The following ADAMTS6 variants were observed in gnomAD, a reference collection of about 807,000 sequenced individuals.
The protein encoded by ADAMTS6 is A disintegrin and metalloproteinase with thrombospondin motifs 6.
Under a neutral mutation model 144.3 loss-of-function variants are expected in ADAMTS6, and 23 were observed. The ratio of observed to expected loss-of-function variants is 0.16; its 90% CI spans 0.11 to 0.23. The LOEUF is 0.23. Among genes scored for constraint, ADAMTS6 ranks in the 10% least tolerant of loss-of-function variants. The probability of loss-of-function intolerance (pLI) is 1.00; values close to 1 mark genes in which losing one functional copy is unlikely to be tolerated. For synonymous variants in ADAMTS6, 444 were observed against 457.5 expected, an observed-to-expected ratio of 0.97 and a Z score of 0.38; for missense variants, 999 against 1,379.6, an observed-to-expected ratio of 0.72 and a Z score of 4.37.
intron 13 of ADAMTS6, among the ~76,000 whole-genome samples, 166 bp from the exon 14 acceptor site, chr5:65,260,829 T>C (rs1224855796): frequency 6.6e-6 from 1 of 152,122 alleles, no homozygotes; most frequent in Non-Finnish European, 1.5e-5. Context: ...GCAATAATTA[T>C]GGTTGTTGAA....
Position 65,443,314 on chromosome 5 carries a change from T to C in ADAMTS6, c.1073+8161A>G, listed in dbSNP as rs148056301. 9.0e-3 allele frequency among the ~76,000 whole-genome samples: 1,370 copies of C among 152,184 alleles called. 12 individuals carry two copies. Among genetic ancestry groups the C allele is most frequent in the African/African-American group, 0.025 (1,056 of 41,530 alleles). On this transcript the variant is annotated intron_variant, in intron 7 of 24. Coordinates refer to ENST00000381055, the MANE Select transcript of ADAMTS6 (RefSeq NM_197941.4). ...TACATTGATGACCAAATTGAGTTCATCTTAAGAATGAAAGGTTGTTTTGGC... is the reference window on the plus strand; with the variant it reads ...TACATTGATGACCAAATTGAGTTCACCTTAAGAATGAAAGGTTGTTTTGGC...
chr5:65,399,552 T>C (rs1474367691), intron 7 of ADAMTS6, among the ~76,000 whole-genome samples: 1 of 152,150 alleles, frequency 6.6e-6, no homozygotes, highest in East Asian at 1.9e-4. Flanking sequence ...GTGGTTACTC[T>C]AGAGTTTGCA....
chr5:65,247,538 A>T (rs1759738356), intron 14 of ADAMTS6, among the ~76,000 whole-genome samples: 2 of 152,146 alleles, frequency 1.3e-5, no homozygotes, highest in Admixed American at 1.3e-4. Context: ...TATACCCCCA[A>T]AACTCTTACC....
intron 9 of ADAMTS6, among the ~76,000 whole-genome samples, chr5:65,324,180 T>C (rs1745941303): frequency 6.6e-6 from 1 of 152,224 alleles, no homozygotes; most frequent in South Asian, 2.1e-4. Flanking sequence ...GTTTTAGACA[T>C]GAAGTCCTTG....
chr5:65,197,288 T>C (rs1008094998), intron 20 of ADAMTS6, 137 bp from the exon 21 acceptor site: 2 of 742,320 alleles, frequency 2.7e-6, no homozygotes, highest in African/African-American at 3.6e-5. Context: ...ACTGCTTCTC[T>C]AAAATGGAGA....
chr5:65,186,780 T>C (rs1367745984), intron 22 of ADAMTS6, among the ~76,000 whole-genome samples: 5 of 152,184 alleles, frequency 3.3e-5, no homozygotes, highest in Non-Finnish European at 7.3e-5. Context: ...GTAGGCAGAA[T>C]GTAATTACTG....
Position 65,301,848 on chromosome 5 carries a change from C to T in ADAMTS6, c.1224-1717G>A, listed in dbSNP as rs115444467. Among the ~76,000 whole-genome samples the T allele has an allele frequency of 6.4e-3, 977 of 151,822 alleles. 8 individuals carry two copies. The highest frequency in any genetic ancestry group is 0.022 in the African/African-American group (905 of 41,420). ...TCACACCTGTAATCCCAGCGCTTTG[C>T]GAGGCTGGGGCGGGAGGATCACCTG... On this transcript the variant is annotated intron_variant, in intron 9 of 24. Coordinates refer to ENST00000381055, the MANE Select transcript of ADAMTS6 (RefSeq NM_197941.4).
chr5:65,272,692 G>T (rs889611343), intron 12 of ADAMTS6, among the ~76,000 whole-genome samples: 1 of 152,026 alleles, frequency 6.6e-6, no homozygotes, highest in African/African-American at 2.4e-5. Flanking sequence ...GGCTGAGGTG[G>T]GCAGATCACT....
intron 7 of ADAMTS6, among the ~76,000 whole-genome samples, chr5:65,430,597 C>T (rs1053115307): frequency 2.6e-5 from 4 of 152,134 alleles, no homozygotes; most frequent in African/African-American, 9.7e-5. Flanking sequence ...CTAATAGAAG[C>T]CCTCCATAAC....
chr5:65,177,545 C>T (rs553167656), intron 22 of ADAMTS6, among the ~76,000 whole-genome samples: 1 of 152,108 alleles, frequency 6.6e-6, no homozygotes, highest in African/African-American at 2.4e-5. Flanking sequence ...AGGATTCTTG[C>T]CCCCCAATGT....
chr5:65,179,816 C>T (rs1754224564), intron 22 of ADAMTS6, among the ~76,000 whole-genome samples: 1 of 152,096 alleles, frequency 6.6e-6, no homozygotes, highest in Non-Finnish European at 1.5e-5. Flanking sequence ...ATTATCGTGT[C>T]CCTAACACCA....
chr5:65,468,706 G>A (rs1298891764), intron 3 of ADAMTS6, among the ~76,000 whole-genome samples: 7 of 152,170 alleles, frequency 4.6e-5, no homozygotes, highest in African/African-American at 1.7e-4. Flanking sequence ...TCTCAATAAG[G>A]ATGAATAGGT....
intron 7 of ADAMTS6, among the ~76,000 whole-genome samples, chr5:65,439,089 C>T (rs561377619): frequency 7.9e-4 from 120 of 151,604 alleles, no homozygotes; most frequent in Non-Finnish European, 9.0e-4. Flanking sequence ...TGGAAAGTGA[C>T]GGAAAATCCC....
At chr5:65,425,892 T>C (rs1384067788) in intron 7 of ADAMTS6, among the ~76,000 whole-genome samples, 2 of 151,602 alleles carry the variant, frequency 1.3e-5, no homozygotes, top group East Asian at 3.9e-4. Flanking sequence ...GCCTCCCGAG[T>C]AGCTGGGACT....
intron 7 of ADAMTS6, among the ~76,000 whole-genome samples, chr5:65,345,997 C>A (rs72760549): frequency 0.047 from 7,207 of 151,938 alleles, 216 homozygotes; most frequent in East Asian, 0.11. Flanking sequence ...AAGTTCAAAA[C>A]CCCTAATAAT....
intron 3 of ADAMTS6, 100 bp from the exon 4 acceptor site, chr5:65,460,438 T>A: frequency 8.9e-7 from 1 of 1,119,386 alleles, no homozygotes. Context: ...CTTCTCCATT[T>A]ACAGGGTTAA....
chr5:65,449,106 A>C (rs1339279777), intron 7 of ADAMTS6, among the ~76,000 whole-genome samples: 1 of 152,192 alleles, frequency 6.6e-6, no homozygotes, highest in East Asian at 1.9e-4. Flanking sequence ...CTAGTAATTC[A>C]AACATAATTA....
At chr5:65,314,154 T>C (rs1230289537) in intron 9 of ADAMTS6, among the ~76,000 whole-genome samples, 1 of 152,102 alleles carries the variant, frequency 6.6e-6, no homozygotes, top group Non-Finnish European at 1.5e-5. Context: ...AGATAATTAA[T>C]GTGTGCAGAG....
intron 12 of ADAMTS6, among the ~76,000 whole-genome samples, chr5:65,263,608 C>G (rs897091546): frequency 6.6e-6 from 1 of 152,106 alleles, no homozygotes; most frequent in Non-Finnish European, 1.5e-5. Flanking sequence ...GAATTCTGCT[C>G]AGCTCTACTC....
Sources: allele counts gnomAD v4.1 joint callset (sites outside exome capture counted in the v4.1 genomes callset), GRCh38; gene constraint gnomAD v4.1.1; transcripts MANE v1.5; gene names NCBI Gene and HGNC (gene_info 2026-07-23, HGNC 2026-07-21).